The following SDK1 variants were observed in gnomAD, a reference collection of about 807,000 sequenced individuals.
The protein encoded by SDK1 is protein sidekick-1.
SDK1 carries 157 observed loss-of-function variants against 245.5 expected under a neutral mutation model. The observed-to-expected ratio is 0.64, with a 90% CI of 0.56 to 0.73. The LOEUF is 0.73. Among genes scored for constraint, SDK1 ranks in the 30% least tolerant of loss-of-function variants. The probability of loss-of-function intolerance (pLI) is 0.00; values close to 1 mark genes in which losing one functional copy is unlikely to be tolerated. For synonymous variants in SDK1, 1,647 were observed against 1,278.5 expected (o/e 1.29, Z -6.15); for missense variants, 3,583 against 3,002.3 (o/e 1.19, Z -4.52).
At chr7:3,371,284 AG>A (rs35285638) in intron 1 of SDK1, among the ~76,000 whole-genome samples, 69,270 of 151,988 alleles carry the variant, frequency 0.46, 17,941 homozygotes, top group East Asian at 0.61. Context: ...CCATCTGTGC[AG>A]GAACATTAGA....
intron 9 of SDK1, among the ~76,000 whole-genome samples, chr7:3,965,372 A>G (rs932328746): frequency 6.6e-6 from 1 of 152,152 alleles, no homozygotes; most frequent in African/African-American, 2.4e-5. Flanking sequence ...GATTCTCATG[A>G]GGGTCAGATT....
intron 4 of SDK1, among the ~76,000 whole-genome samples, chr7:3,673,854 C>G (rs1161747536): frequency 6.6e-6 from 1 of 152,102 alleles, no homozygotes; most frequent in Non-Finnish European, 1.5e-5. Context: ...GTTCTAAGTA[C>G]TTCTTGAACA....
chr7:3,829,463 C>G (rs968861216), intron 5 of SDK1, among the ~76,000 whole-genome samples: 6 of 152,144 alleles, frequency 3.9e-5, no homozygotes, highest in African/African-American at 1.4e-4. Context: ...AACTCTGTTT[C>G]AAAGCTGAGG....
At chr7:4,157,830 C>T (rs1166131243) in intron 30 of SDK1, among the ~76,000 whole-genome samples, 2 of 152,114 alleles carry the variant, frequency 1.3e-5, no homozygotes, top group African/African-American at 4.8e-5. Context: ...CGTGTCAGCC[C>T]CAGTGAATGG....
intron 1 of SDK1, among the ~76,000 whole-genome samples, chr7:3,541,817 T>C (rs1373434299): frequency 6.6e-6 from 1 of 152,212 alleles, no homozygotes; most frequent in Non-Finnish European, 1.5e-5. Flanking sequence ...TGTGTGGTGT[T>C]GAAGAACCAT....
Position 3,898,912 on chromosome 7 carries a change from A to G in SDK1, c.848-52011A>G, listed in dbSNP as rs376448922. On this transcript the variant is annotated intron_variant, in intron 5 of 44. Coordinates refer to ENST00000404826, the MANE Select transcript of SDK1 (RefSeq NM_152744.4). The stretch of plus-strand genomic sequence containing the variant: ...GTTTAAGGAAATATTTTACCTTTAA[A>G]TAAATGTATTTTTAGCCTAATTTGT... Among the ~76,000 whole-genome samples the G allele has an allele frequency of 8.2e-4, 125 of 152,352 alleles. No individual in the cohort carries two copies. In the East Asian group the frequency reaches 0.013, roughly 16 times the overall value.
At chr7:4,227,406 A>T (rs1194701768) in intron 40 of SDK1, 1 of 471,274 alleles carries the variant, frequency 2.1e-6, no homozygotes, top group South Asian at 1.5e-5. Context: ...CCTGCCTTGA[A>T]TGAGGATCCG....
chr7:3,504,352 G>A (rs556343663), intron 1 of SDK1, among the ~76,000 whole-genome samples: 2 of 151,590 alleles, frequency 1.3e-5, no homozygotes, highest in African/African-American at 4.9e-5. Flanking sequence ...ACCCAGAATG[G>A]CCAAACAGTA....
chr7:3,321,949 C>T (rs180822007), intron 1 of SDK1, among the ~76,000 whole-genome samples: 2 of 151,284 alleles, frequency 1.3e-5, no homozygotes, highest in African/African-American at 2.4e-5. Context: ...TACCTTTGTT[C>T]CCCCAGCCTG....
At chr7:3,658,644 G>C (rs983237815) in intron 4 of SDK1, among the ~76,000 whole-genome samples, 1 of 125,990 alleles carries the variant, frequency 7.9e-6, no homozygotes, top group Non-Finnish European at 1.6e-5. Flanking sequence ...CAGACTCACA[G>C]TCTGTCATCC....
chr7:3,723,330 G>A (rs918848486), intron 4 of SDK1, among the ~76,000 whole-genome samples: 1 of 152,152 alleles, frequency 6.6e-6, no homozygotes, highest in African/African-American at 2.4e-5. Context: ...TGAAAGAAGA[G>A]CAATTTTTAT....
chr7:3,623,070 T>G (rs1442199185), intron 2 of SDK1, among the ~76,000 whole-genome samples: 1 of 152,186 alleles, frequency 6.6e-6, no homozygotes, highest in African/African-American at 2.4e-5. Context: ...AAAAAGGTAG[T>G]TGTTTCCCAC....
chr7:3,887,319 C>A (rs948742439), intron 5 of SDK1, among the ~76,000 whole-genome samples: 2 of 151,952 alleles, frequency 1.3e-5, no homozygotes, highest in African/African-American at 4.8e-5. Context: ...ATGTCATTAG[C>A]CAAAAAAAAT....
chr7:3,798,281 G>A (rs1462492292), intron 4 of SDK1, among the ~76,000 whole-genome samples: 4 of 141,006 alleles, frequency 2.8e-5, no homozygotes, highest in Non-Finnish European at 4.5e-5. Context: ...GCAGTGGCGC[G>A]ATCTCAGCTC....
intron 1 of SDK1, among the ~76,000 whole-genome samples, chr7:3,335,279 T>C (rs1233856807): frequency 1.3e-5 from 2 of 152,314 alleles, no homozygotes; most frequent in East Asian, 3.9e-4. Context: ...GTGTGGATGG[T>C]CCCAGTTATC....
intron 1 of SDK1, among the ~76,000 whole-genome samples, chr7:3,584,030 C>T (rs757461259): frequency 6.6e-6 from 1 of 152,162 alleles, no homozygotes; most frequent in African/African-American, 2.4e-5. Context: ...GAATGCCAAT[C>T]TAAGGTGCCA....
chr7:3,359,950 A>G (rs2128560390), intron 1 of SDK1, among the ~76,000 whole-genome samples: 1 of 152,296 alleles, frequency 6.6e-6, no homozygotes, highest in African/African-American at 2.4e-5. Context: ...GAGTTACTTT[A>G]TTTACAGCAA....
At chr7:3,802,343 C>G (rs1338317595) in intron 4 of SDK1, among the ~76,000 whole-genome samples, 1 of 151,864 alleles carries the variant, frequency 6.6e-6, no homozygotes, top group Admixed American at 6.6e-5. Context: ...GGGCAACATA[C>G]CAAGACCTTA....
intron 4 of SDK1, among the ~76,000 whole-genome samples, chr7:3,672,731 G>C (rs1401505529): frequency 1.1e-5 from 1 of 89,780 alleles, no homozygotes; most frequent in African/African-American, 4.4e-5. Flanking sequence ...AAATAAAAAT[G>C]TAATATATAT....
Sources: allele counts gnomAD v4.1 joint callset (sites outside exome capture counted in the v4.1 genomes callset), GRCh38; gene constraint gnomAD v4.1.1; transcripts MANE v1.5; gene names NCBI Gene and HGNC (gene_info 2026-07-23, HGNC 2026-07-21).